Variants in ANO1 observed in about 807,000 individuals in gnomAD.
The protein encoded by ANO1 is anoctamin-1.
Under a neutral mutation model 124.0 loss-of-function variants are expected in ANO1, and 59 were observed. The observed-to-expected ratio is 0.48, with a 90% confidence interval of 0.39 to 0.59. The LOEUF is 0.59. Ranked by LOEUF, ANO1 falls within the 20% of genes least tolerant of loss-of-function variation. The pLI is 0.00. For missense variants in ANO1, 1,059 were observed against 1,328.0 expected (o/e 0.80, Z 3.15); for synonymous variants, 529 against 532.0 (o/e 0.99, Z 0.08).
intron 22 of ANO1, among the ~76,000 whole-genome samples, chr11:70,177,692 C>CG (rs1273161845): frequency 5.3e-5 from 8 of 149,572 alleles, no homozygotes; most frequent in African/African-American, 1.7e-4. Context: ...CTCCGCCCCC[C>CG]GGGTTCAAGC....
At chr11:70,142,541 C>T (rs577142628) in intron 11 of ANO1, among the ~76,000 whole-genome samples, 9 of 152,330 alleles carry the variant, frequency 5.9e-5, no homozygotes, top group African/African-American at 2.2e-4. Flanking sequence ...CCCGCCACTC[C>T]CCAGGAGACC....
At position 70,187,718 on chromosome 11, in the gene ANO1, C is replaced by T. The variant is rs138236883; in HGVS notation, c.2695-20C>T. 26 of 1,597,164 alleles carry T rather than the reference C, an allele frequency of 1.6e-5. No homozygotes were observed. Among genetic ancestry groups the T allele is most frequent in the African/African-American group, 8.0e-5 (6 of 74,754 alleles). The stretch of plus-strand genomic sequence containing the variant: ...CCAGGCGCCATCCTCCCTTCTGCCA[C>T]GCGTTGCCTCTCCTTCCAGAACCTG... On this transcript the variant is annotated intron_variant, in intron 25 of 25. Coordinates refer to ENST00000355303, the MANE Select transcript of ANO1 (RefSeq NM_018043.7).
At chr11:70,061,382 G>A (rs1857573112) in intron 1 of ANO1, among the ~76,000 whole-genome samples, 2 of 152,094 alleles carry the variant, frequency 1.3e-5, no homozygotes, top group South Asian at 4.2e-4. Context: ...GCCTTGGGCA[G>A]AACATTCCAG....
At chr11:70,112,011 C>G (rs1304502255) in intron 7 of ANO1, among the ~76,000 whole-genome samples, 1 of 152,238 alleles carries the variant, frequency 6.6e-6, no homozygotes, top group Admixed American at 6.5e-5. Context: ...GCTCCTGCCT[C>G]GACTTCCTCT....
chr11:70,102,371 C>T (rs569954773), intron 2 of ANO1, among the ~76,000 whole-genome samples: 12 of 152,302 alleles, frequency 7.9e-5, no homozygotes, highest in African/African-American at 1.4e-4. Context: ...CGCCAGCCAG[C>T]GCTCGGTGAC....
the ANO1 span, among the ~76,000 whole-genome samples, chr11:69,976,545 AAAAAAAAAAG>A: frequency 1.4e-5 from 1 of 69,434 alleles, no homozygotes. Context: ...AAAAAAAAAA[AAAAAAAAAAG>A]AGAGAGAGAG....
At chr11:70,009,153 G>A (rs1346889693) in intron 1 of ANO1, among the ~76,000 whole-genome samples, 1 of 152,220 alleles carries the variant, frequency 6.6e-6, no homozygotes, top group African/African-American at 2.4e-5. Flanking sequence ...ACACCCAGCA[G>A]AATTTATGCC....
Position 70,078,696 on chromosome 11 carries a change from C to T in ANO1, c.90C>T (p.Tyr30=). ...INICAIEDIG[Y]LPSEGTLLNS... is the part of the protein sequence containing the mutation. ...TCTGCGCCATCGAGGACATCGGCTA[C>T]CTGCCGTCCGAGGGCACGGTGAGTG... The change falls in exon 1 of 26, where the codon TAC becomes TAT. Residue 30 remains tyrosine (Y), a synonymous_variant. Transcript: ENST00000355303. The T allele has an allele frequency of 2.0e-6, 3 of 1,487,078 alleles. No homozygotes were observed. Among genetic ancestry groups the T allele is most frequent in the Non-Finnish European group, 2.7e-6 (3 of 1,107,218 alleles). 92.1% of individuals were successfully genotyped at this position (1,487,078 alleles called of 1,614,324 possible).
At chr11:70,085,975 C>G (rs1463006323) in intron 1 of ANO1, among the ~76,000 whole-genome samples, 1 of 152,248 alleles carries the variant, frequency 6.6e-6, no homozygotes, top group African/African-American at 2.4e-5. Flanking sequence ...CCCTCCAGGC[C>G]AGCGAGGCCC....
intron 1 of ANO1, among the ~76,000 whole-genome samples, chr11:69,987,972 G>A (rs541927384): frequency 1.3e-5 from 2 of 152,274 alleles, no homozygotes; most frequent in Admixed American, 1.3e-4. Context: ...CTGTGTGTGG[G>A]GTGGAATCGT....
chr11:70,043,919 A>C (rs1182687994), intron 1 of ANO1, among the ~76,000 whole-genome samples: 1 of 152,174 alleles, frequency 6.6e-6, no homozygotes, highest in African/African-American at 2.4e-5. Context: ...ATAAATGTGC[A>C]TGTTAATATA....
chr11:69,987,155 G>A (rs571074882), intron 1 of ANO1, among the ~76,000 whole-genome samples: 18 of 152,326 alleles, frequency 1.2e-4, no homozygotes, highest in African/African-American at 4.3e-4. Flanking sequence ...AGGCCCAGAA[G>A]AAAGAGAAAG....
chr11:70,112,733 A>G (rs2045835867), intron 7 of ANO1, among the ~76,000 whole-genome samples: 1 of 151,586 alleles, frequency 6.6e-6, no homozygotes, highest in Non-Finnish European at 1.5e-5. Flanking sequence ...AATTGTTTGT[A>G]TTGTTAGTAG....
chr11:70,001,131 G>C (rs1277472098), intron 1 of ANO1, among the ~76,000 whole-genome samples: 1 of 152,226 alleles, frequency 6.6e-6, no homozygotes, highest in African/African-American at 2.4e-5. Flanking sequence ...TCTGGAGGCT[G>C]CTCCTGGGAT....
At chr11:70,161,409 G>A (rs1241261554) in intron 17 of ANO1, 47 bp downstream of exon 17, 2 of 1,588,404 alleles carry the variant, frequency 1.3e-6, no homozygotes, top group Admixed American at 1.7e-5. Context: ...CAGGCAGCTG[G>A]AGTCGCCTGC....
intron 5 of ANO1, among the ~76,000 whole-genome samples, chr11:70,106,543 G>T (rs1286524089): frequency 1.3e-5 from 2 of 152,178 alleles, no homozygotes; most frequent in Non-Finnish European, 2.9e-5. Context: ...GGAGGTCGGT[G>T]CAGGTCGTAC....
chr11:70,155,467 T>A (rs1166145887), intron 14 of ANO1, among the ~76,000 whole-genome samples: 1 of 152,230 alleles, frequency 6.6e-6, no homozygotes, highest in Non-Finnish European at 1.5e-5. Context: ...GCGGTTTTGA[T>A]TTCCCTCCAG....
intron 1 of ANO1, among the ~76,000 whole-genome samples, chr11:69,997,784 C>T (rs1328069782): frequency 6.6e-6 from 1 of 152,094 alleles, no homozygotes; most frequent in Non-Finnish European, 1.5e-5. Context: ...GTGTGTCATA[C>T]TTCACCCTTT....
At chr11:69,997,781 A>G (rs10751234) in intron 1 of ANO1, among the ~76,000 whole-genome samples, 130,886 of 152,030 alleles carry the variant, frequency 0.86, 57,077 homozygotes, top group East Asian at 0.98. Context: ...AAAGTGTGTC[A>G]TACTTCACCC....
Sources: gnomAD v4.1 joint callset for allele counts (sites outside exome capture counted in the v4.1 genomes callset) on GRCh38, gnomAD v4.1.1 for gene constraint, MANE v1.5 for transcripts, NCBI Gene and HGNC (gene_info 2026-07-23, HGNC 2026-07-21) for gene names.